Variants in BLTP3A observed in about 807,000 individuals in gnomAD.
BLTP3A encodes the protein ICBP90 binding protein 1.
chr6:34,858,861 C>G, the BLTP3A span: 4 of 1,614,068 alleles, frequency 2.5e-6, no homozygotes, highest in Non-Finnish European at 1.7e-6. Flanking sequence ...ACTACCAGTA[C>G]TTGGCTCTGC....
chr6:34,838,485 A>G, the BLTP3A span, among the ~76,000 whole-genome samples: 1 of 145,780 alleles, frequency 6.9e-6, no homozygotes, highest in Non-Finnish European at 1.5e-5. Flanking sequence ...TGAAAATATC[A>G]TCTCAAGCCA....
At chr6:34,795,346 G>C in the BLTP3A span, among the ~76,000 whole-genome samples, 2 of 152,042 alleles carry the variant, frequency 1.3e-5, no homozygotes. Context: ...CCAAAGTGCC[G>C]GGATTACAGG....
chr6:34,820,527 T>G, the BLTP3A span, among the ~76,000 whole-genome samples: 8 of 151,982 alleles, frequency 5.3e-5, no homozygotes, highest in Non-Finnish European at 1.2e-4. Flanking sequence ...TCCCTCCACT[T>G]TATTCTGGAC....
the BLTP3A span, among the ~76,000 whole-genome samples, chr6:34,854,180 C>T: frequency 2.6e-5 from 4 of 152,084 alleles, no homozygotes; most frequent in South Asian, 8.3e-4. Flanking sequence ...AGAGTTAGTG[C>T]CACCGCACTC....
the BLTP3A span, among the ~76,000 whole-genome samples, chr6:34,820,053 G>GT: frequency 6.6e-6 from 1 of 152,076 alleles, no homozygotes; most frequent in Non-Finnish European, 1.5e-5. Context: ...AAAGATATGT[G>GT]TAGGGGTCTG....
the BLTP3A span, among the ~76,000 whole-genome samples, chr6:34,840,805 A>G: frequency 6.6e-6 from 1 of 151,016 alleles, no homozygotes; most frequent in East Asian, 2.0e-4. Context: ...TTTAGTAGAG[A>G]TGCAGTTTCA....
chr6:34,809,332 G>A, the BLTP3A span, among the ~76,000 whole-genome samples: 2 of 152,150 alleles, frequency 1.3e-5, no homozygotes, highest in Admixed American at 6.5e-5. Context: ...GGTTGAGGCT[G>A]CAGTGAGCAG....
At chr6:34,832,600 C>T in the BLTP3A span, among the ~76,000 whole-genome samples, 1 of 151,846 alleles carries the variant, frequency 6.6e-6, no homozygotes, top group Non-Finnish European at 1.5e-5. Flanking sequence ...CACGACCTGG[C>T]TAATTTTTAA....
the BLTP3A span, among the ~76,000 whole-genome samples, chr6:34,817,489 G>C: frequency 6.8e-6 from 1 of 147,396 alleles, no homozygotes; most frequent in African/African-American, 2.6e-5. Context: ...TGGATGCTGG[G>C]GGAACACACA....
At chr6:34,856,531 A>G in the BLTP3A span, 19 of 1,342,652 alleles carry the variant, frequency 1.4e-5, no homozygotes, top group East Asian at 3.4e-4. Context: ...GAGAGACATC[A>G]GTGACTTTTT....
the BLTP3A span, chr6:34,855,488 C>A: frequency 8.9e-6 from 9 of 1,012,492 alleles, no homozygotes; most frequent in Non-Finnish European, 1.2e-5. Context: ...CACATCCTGG[C>A]CTTTTGGCTG....
chr6:34,866,927 G>A, the BLTP3A span, among the ~76,000 whole-genome samples: 1 of 152,036 alleles, frequency 6.6e-6, no homozygotes, highest in Non-Finnish European at 1.5e-5. Flanking sequence ...CCTTTTTAAG[G>A]CTGAATAGTG....
the BLTP3A span, among the ~76,000 whole-genome samples, chr6:34,851,417 G>A: frequency 1.3e-5 from 2 of 152,090 alleles, no homozygotes; most frequent in East Asian, 3.8e-4. Flanking sequence ...GGTGGTCTTG[G>A]GTAAGATCAA....
At chr6:34,805,158 G>A in the BLTP3A span, among the ~76,000 whole-genome samples, 73 of 152,028 alleles carry the variant, frequency 4.8e-4, 2 homozygotes, top group Admixed American at 3.7e-3. Context: ...GCTGGGCATC[G>A]TGGCACACAC....
chr6:34,877,481 C>A, the BLTP3A span: 1 of 152,498 alleles, frequency 6.6e-6, no homozygotes. Flanking sequence ...CTGTGAACCA[C>A]CTGAAAAAAC....
chr6:34,858,058 A>G, the BLTP3A span: 2 of 1,575,464 alleles, frequency 1.3e-6, no homozygotes, highest in African/African-American at 2.7e-5. Flanking sequence ...TTACATGTGT[A>G]TTAATAGTGG....
chr6:34,835,485 C>G, the BLTP3A span: 1 of 1,610,884 alleles, frequency 6.2e-7, no homozygotes, highest in Non-Finnish European at 8.5e-7. Context: ...AAACAGACAC[C>G]CTTAGTGGGG....
At chr6:34,868,731 A>C in the BLTP3A span, among the ~76,000 whole-genome samples, 25 of 151,590 alleles carry the variant, frequency 1.6e-4, no homozygotes, top group Non-Finnish European at 2.8e-4. Flanking sequence ...TTAAAAAAAA[A>C]AAAAAAAAAA....
the BLTP3A span, among the ~76,000 whole-genome samples, chr6:34,854,059 T>G: frequency 1.3e-5 from 2 of 151,868 alleles, no homozygotes; most frequent in African/African-American, 2.4e-5. Context: ...CCGTCTCTAC[T>G]AAAAACACAA....
Sources: allele counts gnomAD v4.1 joint callset (sites outside exome capture counted in the v4.1 genomes callset), GRCh38; gene constraint gnomAD v4.1.1; transcripts MANE v1.5; gene names NCBI Gene and HGNC (gene_info 2026-07-23, HGNC 2026-07-21).